ADA2: variants seen among roughly 807,000 people sequenced by gnomAD.
ADA2 encodes the protein adenosine deaminase CECR1.
ADA2 carries 29 observed loss-of-function variants against 44.2 expected under a neutral mutation model. The observed-to-expected ratio is 0.66, with a 90% CI of 0.49 to 0.89. The LOEUF (loss-of-function observed/expected upper bound fraction) is 0.89. ADA2 is among the 40% of genes least tolerant of loss of function. The pLI, the probability that ADA2 is intolerant of heterozygous loss-of-function variation, is 0.00. For missense variants in ADA2, 637 were observed against 644.8 expected (o/e 0.99, Z 0.13); for synonymous variants, 215 against 234.9 (o/e 0.92, Z 0.77).
chr22:17,190,256 G>C (rs1306503959), intron 5 of ADA2, among the ~76,000 whole-genome samples: 1 of 152,216 alleles, frequency 6.6e-6, no homozygotes, highest in Non-Finnish European at 1.5e-5. Flanking sequence ...TGCTGGCTCT[G>C]GGGGCACCTG....
Position 17,198,009 on chromosome 22 carries a change from G to A in ADA2, c.753+5554C>T, listed in dbSNP as rs191996683. Among the ~76,000 whole-genome samples, 227 of 150,502 alleles carry A rather than the reference G, an allele frequency of 1.5e-3. 1 individual carries two copies. Among genetic ancestry groups the A allele is most frequent in the Non-Finnish European group, 6.3e-4 (43 of 67,814 alleles). ...GCCAAGATTGCACCATTGCACTCCA[G>A]TCTGGGCAACAAGAACGAAACTCCG... On this transcript the variant is annotated intron_variant, in intron 4 of 9. Transcript: ENST00000399837.
At chr22:17,199,545 C>G (rs769883211) in intron 4 of ADA2, 6 of 1,602,722 alleles carry the variant, frequency 3.7e-6, no homozygotes, top group Non-Finnish European at 5.1e-6. Flanking sequence ...AAGTTCTCCC[C>G]TACCAGAGCC....
intron 4 of ADA2, 106 bp downstream of exon 4, chr22:17,203,457 G>A: frequency 2.3e-6 from 2 of 866,216 alleles, no homozygotes; most frequent in Non-Finnish European, 3.8e-6. Flanking sequence ...CCTTGCACCA[G>A]AGACCTGAGT....
chr22:17,212,751 A>T (rs1457996747), intron 1 of ADA2, among the ~76,000 whole-genome samples: 1 of 150,854 alleles, frequency 6.6e-6, no homozygotes, highest in Non-Finnish European at 1.5e-5. Flanking sequence ...AAATGCCCAA[A>T]TTTTTTTCTT....
At chr22:17,215,002 G>C (rs1044273585) in intron 1 of ADA2, among the ~76,000 whole-genome samples, 8 of 152,214 alleles carry the variant, frequency 5.3e-5, no homozygotes, top group African/African-American at 1.9e-4. Context: ...GACAGGACCA[G>C]GGCAGAGCCC....
intron 1 of ADA2, chr22:17,214,154 A>C (rs2062447217): frequency 4.1e-6 from 3 of 727,570 alleles, no homozygotes; most frequent in Non-Finnish European, 7.2e-6. Flanking sequence ...AGCTGGACGA[A>C]ATAGCCGCCT....
At chr22:17,193,119 G>T in intron 4 of ADA2, 1 of 1,354,202 alleles carries the variant, frequency 7.4e-7, no homozygotes. Flanking sequence ...ACGCTGCCCA[G>T]TGGCTTCCAG....
chr22:17,212,856 T>G (rs1477025559), intron 1 of ADA2, among the ~76,000 whole-genome samples: 1 of 151,712 alleles, frequency 6.6e-6, no homozygotes, highest in Non-Finnish European at 1.5e-5. Context: ...TCCACTTGGT[T>G]GGACTCCAAA....
At chr22:17,198,951 G>A (rs759839374) in intron 4 of ADA2, among the ~76,000 whole-genome samples, 7 of 152,194 alleles carry the variant, frequency 4.6e-5, no homozygotes, top group Non-Finnish European at 8.8e-5. Context: ...CGACCAGGCA[G>A]GGGGAGGCGA....
intron 4 of ADA2, among the ~76,000 whole-genome samples, chr22:17,197,688 C>G (rs972503454): frequency 1.3e-5 from 2 of 152,202 alleles, no homozygotes; most frequent in African/African-American, 2.4e-5. Context: ...TCATTTAACC[C>G]TCAAAACTAC....
chr22:17,212,353 C>G (rs990963840), intron 1 of ADA2, among the ~76,000 whole-genome samples: 3 of 152,012 alleles, frequency 2.0e-5, no homozygotes, highest in African/African-American at 7.2e-5. Context: ...CAATCTCCGT[C>G]TCCCTGGTCC....
At chr22:17,207,018 C>T (rs1288168754) in intron 3 of ADA2, 53 bp downstream of exon 3, 1 of 1,382,424 alleles carries the variant, frequency 7.2e-7, no homozygotes, top group African/African-American at 1.4e-5. Context: ...GACACCTACC[C>T]ACTGCCACCC....
chr22:17,217,764 C>T (rs1164845753), intron 1 of ADA2, among the ~76,000 whole-genome samples: 3 of 152,110 alleles, frequency 2.0e-5, no homozygotes, highest in Non-Finnish European at 4.4e-5. Context: ...GCCTAGATTG[C>T]ACCACTGCAC....
At chr22:17,187,241 A>G (rs1469530165) in intron 7 of ADA2, among the ~76,000 whole-genome samples, 1 of 152,068 alleles carries the variant, frequency 6.6e-6, no homozygotes, top group Non-Finnish European at 1.5e-5. Context: ...ACTGGTCTCA[A>G]ACTCCTGGGC....
At chr22:17,194,524 G>A (rs756527503) in intron 4 of ADA2, among the ~76,000 whole-genome samples, 1 of 152,114 alleles carries the variant, frequency 6.6e-6, no homozygotes, top group Non-Finnish European at 1.5e-5. Context: ...CAGGCGCAGT[G>A]GGGGAGCAGG....
chr22:17,200,654 G>A (rs950427734), intron 4 of ADA2, among the ~76,000 whole-genome samples: 1 of 152,080 alleles, frequency 6.6e-6, no homozygotes, highest in African/African-American at 2.4e-5. Flanking sequence ...GGCCGAGGTG[G>A]GTGGATCACC....
At chr22:17,199,438 T>TCTTCCCCTCCCTCCCCTCCTATATCCA in intron 4 of ADA2, 1 of 995,472 alleles carries the variant, frequency 1.0e-6, no homozygotes, top group Non-Finnish European at 1.6e-6. Context: ...TCCTCTATCC[T>TCTTCCCCTCCCTCCCCTCCTATATCCA]CTTCCCCTCC....
At position 17,180,324 on chromosome 22, in the gene ADA2, T is replaced by C. The variant is rs2061955125; in HGVS notation, c.*1159A>G. The C allele has an allele frequency of 6.6e-6, 1 of 152,120 alleles. No homozygotes were observed. Among genetic ancestry groups the C allele is most frequent in the Non-Finnish European group, 1.5e-5 (1 of 68,068 alleles). 9.4% of individuals were successfully genotyped at this position (152,120 alleles called of 1,614,324 possible). A position where few individuals can be genotyped will look rare whatever the true frequency, so the allele number is the denominator to read the frequency against. On this transcript the variant is annotated 3_prime_UTR_variant, in exon 10 of 10. Coordinates refer to ENST00000399837, the MANE Select transcript of ADA2 (RefSeq NM_001282225.2). ...AGTCTGGATGCGGGATGCATTCTGA[T>C]GTAGGGAGTGGGGGACCGCGCAGCA...
intron 4 of ADA2, among the ~76,000 whole-genome samples, chr22:17,194,719 G>A (rs1568977462): frequency 6.6e-6 from 1 of 151,946 alleles, no homozygotes; most frequent in Non-Finnish European, 1.5e-5. Context: ...GGCTGCCAGA[G>A]CGTGCCAGAA....
Sources: gnomAD v4.1 joint callset for allele counts (sites outside exome capture counted in the v4.1 genomes callset) on GRCh38, gnomAD v4.1.1 for gene constraint, MANE v1.5 for transcripts, NCBI Gene and HGNC (gene_info 2026-07-23, HGNC 2026-07-21) for gene names.